HNF4A: variants seen among roughly 807,000 people sequenced by gnomAD.
HNF4A encodes the protein hepatocyte nuclear factor 4 alpha.
Under a neutral mutation model 52.4 loss-of-function variants are expected in HNF4A, and 15 were observed. That is an observed-to-expected ratio of 0.29 (90% CI 0.19 to 0.44). The LOEUF (loss-of-function observed/expected upper bound fraction) is 0.44. HNF4A is among the 20% of genes least tolerant of loss of function. HNF4A has a pLI of 1.00. For missense variants in HNF4A, 479 were observed against 647.2 expected (o/e 0.74, Z 2.82); for synonymous variants, 280 against 264.4 (o/e 1.06, Z -0.57).
At position 44,418,903 on chromosome 20, in the gene HNF4A, G is replaced by C. The variant is rs145237774; in HGVS notation, c.736+391G>C. The stretch of plus-strand genomic sequence containing the variant: ...CAATTCTCCTGCCTCACCCTCCAGA[G>C]TTGCTGGGACCACAGGCGTGCACCA... On this transcript the variant is annotated intron_variant, in intron 6 of 9. Transcript: ENST00000316099. 3.6e-3 allele frequency among the ~76,000 whole-genome samples: 543 copies of C among 152,276 alleles called. 3 individuals carry two copies. The highest frequency in any genetic ancestry group is 0.018 in the East Asian group (93 of 5,174).
At chr20:44,396,939 A>G (rs2063358399), upstream of HNF4A, among the ~76,000 whole-genome samples, 1 of 152,234 alleles carries the variant, frequency 6.6e-6, no homozygotes, top group Admixed American at 6.5e-5. Flanking sequence ...AGAGAGGCTA[A>G]GAAGCTTATC....
upstream of HNF4A, among the ~76,000 whole-genome samples, chr20:44,396,796 T>G (rs768156878): frequency 6.6e-6 from 1 of 152,212 alleles, no homozygotes; most frequent in African/African-American, 2.4e-5. Context: ...ATTTTTCTGA[T>G]GCTTAAACTA....
Position 44,414,629 on chromosome 20 carries a change from C to T in HNF4A, c.615C>T (p.Ile205=), listed in dbSNP as rs2063636050. 1 of 1,613,090 alleles carries T rather than the reference C, an allele frequency of 6.2e-7. No individual in the cohort carries two copies. The highest frequency in any genetic ancestry group is 1.3e-5 in the African/African-American group (1 of 74,924). The change falls in exon 5 of 10, where the codon ATC becomes ATT. Residue 205 remains isoleucine (I), a synonymous_variant. Coordinates refer to ENST00000316099, the MANE Select transcript of HNF4A (RefSeq NM_000457.6). ...TTCTCGTTGAGTGGGCCAAGTACAT[C>T]CCAGCTTTCTGCGAGCTCCCCCTGG...
At chr20:44,380,868 G>A (rs1188759940) in intron 1 of HNF4A, among the ~76,000 whole-genome samples, 5 of 151,972 alleles carry the variant, frequency 3.3e-5, no homozygotes. Flanking sequence ...TTTCCCTTAT[G>A]TTTTATTCCA....
At chr20:44,399,627 C>A (rs1179234518), upstream of HNF4A, among the ~76,000 whole-genome samples, 1 of 152,184 alleles carries the variant, frequency 6.6e-6, no homozygotes, top group Non-Finnish European at 1.5e-5. Context: ...TTAATCCACC[C>A]ACACATTCAC....
rs776265741 is a variant in HNF4A, at chr20:44,355,754, C to T, written c.-51C>T. On this transcript the variant is annotated 5_prime_UTR_variant, in exon 1 of 10. Coordinates refer to the HNF4A transcript ENST00000316673. ...CTGGTGGCTGTGCTGCTGCTGTGAG[C>T]GGGCCCCTGCTCCTCCATGCCCCCA... is the stretch of plus-strand genomic sequence containing the variant. The T allele has an allele frequency of 3.2e-6, 5 of 1,564,962 alleles. No homozygotes were observed. The African/African-American group carries it at 4.0e-5, about 13-fold the overall frequency.
chr20:44,419,699 C>T, intron 6 of HNF4A, 22 bp from the exon 7 acceptor site: 2 of 1,581,328 alleles, frequency 1.3e-6, no homozygotes, highest in South Asian at 2.2e-5. Flanking sequence ...TTCCCATCCT[C>T]CCTCCCTCCC....
intron 1 of HNF4A, among the ~76,000 whole-genome samples, chr20:44,402,992 G>A (rs758530420): frequency 2.6e-5 from 4 of 152,182 alleles, no homozygotes; most frequent in Admixed American, 6.5e-5. Flanking sequence ...ATTCCCCCAG[G>A]CCTGCTGGCT....
At chr20:44,433,943 GT>G (rs926203144), downstream of HNF4A, 1 of 152,176 alleles carries the variant, frequency 6.6e-6, no homozygotes, top group African/African-American at 2.4e-5. Flanking sequence ...TTGCCGGAGT[GT>G]TTACACCACA....
At chr20:44,420,624 A>T (rs2063731497) in intron 7 of HNF4A, among the ~76,000 whole-genome samples, 1 of 151,794 alleles carries the variant, frequency 6.6e-6, no homozygotes. Flanking sequence ...TATAGAAACT[A>T]AAAAAAATTA....
intron 1 of HNF4A, chr20:44,390,738 C>T: frequency 1.4e-6 from 1 of 691,762 alleles, no homozygotes; most frequent in South Asian, 1.5e-5. Context: ...GAGAGAGACA[C>T]AGAACCAAGG....
In HNF4A at chr20:44,370,913, CTG is replaced by C. The variant is rs936673361; in HGVS notation, c.49+15062_49+15063del. Among the ~76,000 whole-genome samples, 4 of 152,188 alleles carry C rather than the reference CTG, an allele frequency of 2.6e-5. No homozygotes were observed. In the South Asian group the frequency reaches 6.2e-4, roughly 24 times the overall value. ...CTGGGCCGCCAAACTGCCAACGCCT[CTG>C]TATTCTCTGGGACAAGCAGTGGAGG... On this transcript the variant is annotated intron_variant, in intron 1 of 9. Coordinates refer to the HNF4A transcript ENST00000316673.
At chr20:44,403,684 G>T (rs1262550685) in intron 1 of HNF4A, among the ~76,000 whole-genome samples, 1 of 152,188 alleles carries the variant, frequency 6.6e-6, no homozygotes, top group East Asian at 1.9e-4. Context: ...ACCTCAACAT[G>T]TGTGGCACTG....
chr20:44,408,880 C>T lies in HNF4A; in HGVS notation c.385+1405C>T, dbSNP rs74360384. ...AAACCTTGGTCTAGTCCTGCTAGTT[C>T]GGTACAAACACCCCTCACCCCCATC... On this transcript the variant is annotated intron_variant, in intron 3 of 9. Coordinates refer to ENST00000316099, the MANE Select transcript of HNF4A (RefSeq NM_000457.6). Among the ~76,000 whole-genome samples, 1,034 of 152,122 alleles carry T rather than the reference C, an allele frequency of 6.8e-3. 13 individuals carry two copies. Among genetic ancestry groups the T allele is most frequent in the African/African-American group, 0.023 (970 of 41,500 alleles).
At chr20:44,363,523 G>A (rs1391604002) in intron 1 of HNF4A, among the ~76,000 whole-genome samples, 1 of 151,870 alleles carries the variant, frequency 6.6e-6, no homozygotes, top group African/African-American at 2.4e-5. Context: ...TCCTCTTGGG[G>A]GTGCTGGTTC....
At chr20:44,433,840 G>A (rs1187890889), downstream of HNF4A, 1 of 152,242 alleles carries the variant, frequency 6.6e-6, no homozygotes, top group African/African-American at 2.4e-5. Context: ...TTCACTCGGG[G>A]TTGTGCTGGA....
Position 44,391,072 on chromosome 20 carries a change from C to T in HNF4A, c.50-14986C>T, listed in dbSNP as rs181440658. Among the ~76,000 whole-genome samples the T allele has an allele frequency of 3.5e-3, 533 of 152,228 alleles. 2 individuals carry two copies. Among genetic ancestry groups the T allele is most frequent in the Admixed American group, 6.8e-3 (104 of 15,294 alleles). ...TGAAGTTCCCTGAGCAGAAAACAAT[C>T]GGTTAAAATCTCATTGCCACTTCTG... On this transcript the variant is annotated intron_variant, in intron 1 of 9. Coordinates refer to the HNF4A transcript ENST00000316673.
chr20:44,388,887 C>T (rs2063267793), intron 1 of HNF4A, among the ~76,000 whole-genome samples: 1 of 152,240 alleles, frequency 6.6e-6, no homozygotes. Flanking sequence ...TGCACAGTTC[C>T]TTTGGCCTCT....
At chr20:44,384,012 G>A (rs1042775522) in intron 1 of HNF4A, among the ~76,000 whole-genome samples, 10 of 151,462 alleles carry the variant, frequency 6.6e-5, no homozygotes, top group African/African-American at 1.7e-4. Flanking sequence ...CACCACACCC[G>A]GCTAATTTTT....
Sources: gnomAD v4.1 joint callset for allele counts (sites outside exome capture counted in the v4.1 genomes callset) on GRCh38, gnomAD v4.1.1 for gene constraint, MANE v1.5 for transcripts, NCBI Gene and HGNC (gene_info 2026-07-23, HGNC 2026-07-21) for gene names.